Variants in ADIG observed in about 807,000 individuals in gnomAD.
ADIG encodes adipogenesis associated.
A neutral mutation model predicts 10.7 loss-of-function variants in ADIG; 12 were observed. The ratio of observed to expected loss-of-function variants is 1.12; its 90% CI spans 0.72 to 1.82. ADIG has a LOEUF of 1.82. Among genes scored for constraint, ADIG ranks in the 40% most tolerant of loss-of-function variants. The pLI is 0.00. For synonymous variants in ADIG, 32 were observed against 35.6 expected, an observed-to-expected ratio of 0.90 and a Z score of 0.36; for missense variants, 72 against 92.5, an observed-to-expected ratio of 0.78 and a Z score of 0.91.
chr20:38,587,655 C>T lies in ADIG; in HGVS notation c.*15-446C>T, dbSNP rs989696039. Among the ~76,000 whole-genome samples the T allele has an allele frequency of 7.3e-5, 11 of 151,032 alleles. No homozygotes were observed. The East Asian group carries it at 1.6e-3, about 22-fold the overall frequency. On this transcript the variant is annotated intron_variant, in intron 2 of 2. Transcript: ENST00000537425. The stretch of plus-strand genomic sequence containing the variant: ...TGTGGCATGAGAAAAGATTTTCGGA[C>T]GCTGCACAAGAACCCTATCCCATTT...
At chr20:38,584,863 C>T (rs550262951) in intron 1 of ADIG, among the ~76,000 whole-genome samples, 10 of 152,114 alleles carry the variant, frequency 6.6e-5, no homozygotes, top group South Asian at 2.1e-4. Context: ...CTGCAACCTC[C>T]GACTCCCTGG....
chr20:38,582,799 T>C lies in ADIG; in HGVS notation c.124+1425T>C, dbSNP rs143484454. On this transcript the variant is annotated intron_variant, in intron 1 of 2. Transcript: ENST00000537425. ...TCTCTGGAGTCTGGAAGATATGAGT[T>C]CAGATATCATCCTTTTTTTTTTATT... is the stretch of plus-strand genomic sequence containing the variant. Among the ~76,000 whole-genome samples, 143 of 152,202 alleles carry C rather than the reference T, an allele frequency of 9.4e-4. 2 individuals carry two copies. In the East Asian group the frequency reaches 0.026, roughly 28 times the overall value.
At chr20:38,582,329 C>T (rs1010905879) in intron 1 of ADIG, among the ~76,000 whole-genome samples, 1 of 148,402 alleles carries the variant, frequency 6.7e-6, no homozygotes, top group Non-Finnish European at 1.5e-5. Flanking sequence ...CCTGGGAGGT[C>T]GAGGCTGCAG....
At chr20:38,587,964 C>T in intron 2 of ADIG, 137 bp from the exon 3 acceptor site, 1 of 1,068,806 alleles carries the variant, frequency 9.4e-7, no homozygotes, top group Non-Finnish European at 1.2e-6. Flanking sequence ...TCTTGAACTC[C>T]TGACCTTAGA....
At position 38,581,352 on chromosome 20, in the gene ADIG, G is replaced by T. The variant is rs1298608669; in HGVS notation, c.102G>T (p.Trp34Cys). 6.2e-7 allele frequency: 1 copy of T among 1,613,868 alleles called. No individual in the cohort carries two copies. The highest frequency in any genetic ancestry group is 8.5e-7 in the Non-Finnish European group (1 of 1,179,886). Reference protein sequence around the residue: ...PVGLLLLLIIWLRFLLSQDSE... With the variant: ...PVGLLLLLIICLRFLLSQDSE... ...GTTTGCTGTTGTTATTGATCATCTG[G>T]CTACGCTTCTTACTTAGCCAAGGTG... The change falls in exon 1 of 3, where the codon TGG becomes TGT. Residue 34 changes from tryptophan (W) to cysteine (C), a missense_variant. Transcript: ENST00000537425.
At chr20:38,585,180 G>A (rs1302451203) in intron 1 of ADIG, among the ~76,000 whole-genome samples, 1 of 152,226 alleles carries the variant, frequency 6.6e-6, no homozygotes, top group Non-Finnish European at 1.5e-5. Flanking sequence ...CATCCTAGAA[G>A]ATGCTGATAT....
At position 38,588,276 on chromosome 20, in the gene ADIG, C is replaced by T. The variant is rs1209505409; in HGVS notation, c.*190C>T. On this transcript the variant is annotated 3_prime_UTR_variant, in exon 3 of 3. Transcript: ENST00000537425. ...AGGTCCCAGCCCTTCTCCAGCATCA[C>T]AGATGACCTCCAGCCCTGCAGGGAG... 1 of 1,304,312 alleles carries T rather than the reference C, an allele frequency of 7.7e-7. No homozygotes were observed. Among genetic ancestry groups the T allele is most frequent in the Non-Finnish European group, 1.0e-6 (1 of 988,966 alleles). 80.8% of individuals were successfully genotyped at this position (1,304,312 alleles called of 1,614,324 possible). A position where few individuals can be genotyped will look rare whatever the true frequency, so the allele number is the denominator to read the frequency against.
rs1177798988 is a variant in ADIG, at chr20:38,586,105, GGGGACACTCCAC to G, written c.204_215del (p.Thr69_Gly72del). Reference sequence around the variant, plus strand: ...AAGGCCCAGCTGAGTTTTGCTGGAAGGGGACACTCCACGGCCAAGAGAAGGAGAGGCCCTGCT... The same window carrying G: ...AAGGCCCAGCTGAGTTTTGCTGGAAGGGCCAAGAGAAGGAGAGGCCCTGCT... On this transcript the variant is annotated inframe_deletion, in exon 2 of 3. Transcript: ENST00000537425. The G allele has an allele frequency of 2.5e-6, 4 of 1,607,466 alleles. No homozygotes were observed. The highest frequency in any genetic ancestry group is 3.4e-6 in the Non-Finnish European group (4 of 1,177,112).
Position 38,581,310 on chromosome 20 carries a change from G to A in ADIG, c.60G>A (p.Trp20Ter). 1.2e-6 allele frequency: 2 copies of A among 1,613,960 alleles called. No individual in the cohort carries two copies. The highest frequency in any genetic ancestry group is 8.5e-7 in the Non-Finnish European group (1 of 1,179,878). ...TCACATTTTCTTTCCTGGTTTTCTG[G>A]TTCTGCCTCCCTGTGGGTTTGCTGT... ...NDLTFSFLVF[W>*]FCLPVGLLLL... The change falls in exon 1 of 3, where the codon TGG (tryptophan) becomes TGA (stop). Residue 20 changes from tryptophan (W) to a stop codon, truncating the protein, a stop_gained. Coordinates refer to ENST00000537425, the MANE Select transcript of ADIG (RefSeq NM_001393816.1). LOFTEE classifies it high-confidence loss of function.
chr20:38,585,995 A>C lies in ADIG; in HGVS notation c.125-34A>C, dbSNP rs775830186. The C allele has an allele frequency of 1.9e-6, 3 of 1,550,692 alleles. No individual in the cohort carries two copies. In the South Asian group the frequency reaches 3.5e-5, roughly 18 times the overall value. Reference sequence around the variant, plus strand: ...GGTCAGGGGTAGGAGACAGGATGTGACCATCCAAGAGGCCTTGCCTCGTAT... The same window carrying C: ...GGTCAGGGGTAGGAGACAGGATGTGCCCATCCAAGAGGCCTTGCCTCGTAT... On this transcript the variant is annotated intron_variant, in intron 1 of 2. Coordinates refer to ENST00000537425, the MANE Select transcript of ADIG (RefSeq NM_001393816.1).
intron 1 of ADIG, among the ~76,000 whole-genome samples, chr20:38,582,732 T>C (rs2145577672): frequency 6.6e-6 from 1 of 152,302 alleles, no homozygotes; most frequent in East Asian, 1.9e-4. Context: ...CCACAGCTGG[T>C]AGGGAGTCAG....
chr20:38,586,238 C>A, intron 2 of ADIG, 77 bp downstream of exon 2: 1 of 1,166,730 alleles, frequency 8.6e-7, no homozygotes, highest in Admixed American at 2.2e-5. Flanking sequence ...GGGCAAGAGG[C>A]TGCCTCCACC....
chr20:38,582,908 C>T (rs971068914), intron 1 of ADIG, among the ~76,000 whole-genome samples: 2 of 152,150 alleles, frequency 1.3e-5, no homozygotes, highest in Non-Finnish European at 2.9e-5. Flanking sequence ...ACCTCTGCCT[C>T]CTGGCTTCAA....
At chr20:38,585,244 C>G (rs1023007905) in intron 1 of ADIG, among the ~76,000 whole-genome samples, 1 of 152,188 alleles carries the variant, frequency 6.6e-6, no homozygotes, top group Non-Finnish European at 1.5e-5. Context: ...TGAAACAATG[C>G]AAGAGTTTAG....
Position 38,586,173 on chromosome 20 carries a change from C to G in ADIG, c.*14+12C>G. 6 of 1,558,768 alleles carry G rather than the reference C, an allele frequency of 3.8e-6. No individual in the cohort carries two copies. The highest frequency in any genetic ancestry group is 5.2e-6 in the Non-Finnish European group (6 of 1,150,182). On this transcript the variant is annotated intron_variant, in intron 2 of 2. Transcript: ENST00000537425. ...GCCTGCTGTGCCAGGTGAGGCCCTT[C>G]CAGGGGCCAGGGGGAGCCTCAAGGC...
intron 1 of ADIG, among the ~76,000 whole-genome samples, chr20:38,584,213 G>A (rs1166808331): frequency 1.3e-5 from 2 of 152,178 alleles, no homozygotes; most frequent in Non-Finnish European, 2.9e-5. Flanking sequence ...GGAAAGGAGA[G>A]CTGCCTGATG....
intron 1 of ADIG, among the ~76,000 whole-genome samples, chr20:38,584,307 A>T (rs1569000579): frequency 6.6e-6 from 1 of 152,222 alleles, no homozygotes; most frequent in East Asian, 1.9e-4. Flanking sequence ...CTGTCTGGCC[A>T]TGACATGGCC....
At chr20:38,585,787 C>T (rs1168762068) in intron 1 of ADIG, 1 of 607,802 alleles carries the variant, frequency 1.6e-6, no homozygotes, top group East Asian at 2.8e-5. Flanking sequence ...ACCTCTGTGT[C>T]CTCCCCTCTA....
Position 38,586,134 on chromosome 20 carries a change from G to A in ADIG, c.230G>A (p.Arg77Lys), listed in dbSNP as rs368677290. 36 of 1,595,198 alleles carry A rather than the reference G, an allele frequency of 2.3e-5. No homozygotes were observed. The African/African-American group carries it at 3.2e-4, about 14-fold the overall frequency. ...KGTLHGQEKE[R>K]PCW is the part of the protein sequence containing the mutation. ...ACACTCCACGGCCAAGAGAAGGAGAGGCCCTGCTGGTGAGCCTGCTGTGCC... is the reference window on the plus strand; with the variant it reads ...ACACTCCACGGCCAAGAGAAGGAGAAGCCCTGCTGGTGAGCCTGCTGTGCC... The change falls in exon 2 of 3, where the codon AGG (arginine) becomes AAG (lysine). Residue 77 changes from arginine to lysine, a missense_variant. By Grantham distance (26) the Arg-to-Lys change is conservative. Transcript: ENST00000537425.
Sources: gnomAD v4.1 joint callset for allele counts (sites outside exome capture counted in the v4.1 genomes callset) on GRCh38, gnomAD v4.1.1 for gene constraint, MANE v1.5 for transcripts, NCBI Gene and HGNC (gene_info 2026-07-23, HGNC 2026-07-21) for gene names.